Variants in MRO observed in about 807,000 individuals in gnomAD.
MRO encodes maestro, also known as protein maestro.
Under a neutral mutation model 31.0 loss-of-function variants are expected in MRO, and 28 were observed. That is an observed-to-expected ratio of 0.90 (90% confidence interval 0.67 to 1.24). The LOEUF (loss-of-function observed/expected upper bound fraction) is 1.24. Ranked by LOEUF, MRO falls within the 50% of genes most tolerant of loss-of-function variation. The pLI, the probability that MRO is intolerant of heterozygous loss-of-function variation, is 0.00. For missense variants in MRO, 332 were observed against 289.2 expected (o/e 1.15, Z -1.07); for synonymous variants, 108 against 108.4 (o/e 1.00, Z 0.02).
At chr18:50,801,261 A>C in intron 6 of MRO, 88 bp downstream of exon 6, 1 of 1,205,202 alleles carries the variant, frequency 8.3e-7, no homozygotes, top group South Asian at 1.7e-5. Flanking sequence ...TGCTGGCAGG[A>C]ACCCTAGGGT....
chr18:50,802,041 A>C (rs1482790722), intron 5 of MRO, among the ~76,000 whole-genome samples: 1 of 152,212 alleles, frequency 6.6e-6, no homozygotes, highest in African/African-American at 2.4e-5. Flanking sequence ...AGCACATGCC[A>C]CTGTTGTTGT....
chr18:50,815,833 A>C (rs759312912), intron 2 of MRO: 2 of 209,604 alleles, frequency 9.5e-6, no homozygotes, highest in Non-Finnish European at 1.9e-5. Flanking sequence ...CAGGAGTTCG[A>C]GACCAGTCTG....
At chr18:50,801,602 G>A in intron 5 of MRO, 98 bp from the exon 6 acceptor site, 4 of 1,164,204 alleles carry the variant, frequency 3.4e-6, no homozygotes, top group Non-Finnish European at 3.6e-6. Context: ...ACACATCACA[G>A]CCGTCAATCA....
intron 2 of MRO, among the ~76,000 whole-genome samples, chr18:50,809,613 C>T (rs1365850793): frequency 3.3e-5 from 5 of 152,090 alleles, no homozygotes; most frequent in Non-Finnish European, 1.5e-5. Context: ...GCTTGGGGGT[C>T]AAGGGGGATC....
chr18:50,809,709 A>G (rs570044857), intron 2 of MRO, among the ~76,000 whole-genome samples: 1 of 152,340 alleles, frequency 6.6e-6, no homozygotes, highest in South Asian at 2.1e-4. Flanking sequence ...GGCTCTGCCC[A>G]CAGAGTTCTC....
chr18:50,816,687 A>AT (rs1914955855), intron 2 of MRO, among the ~76,000 whole-genome samples: 1 of 152,192 alleles, frequency 6.6e-6, no homozygotes, highest in Admixed American at 6.5e-5. Flanking sequence ...TGCAACGTCT[A>AT]TTTTAAATAA....
At chr18:50,813,468 T>A (rs1044948660) in intron 2 of MRO, among the ~76,000 whole-genome samples, 3 of 152,240 alleles carry the variant, frequency 2.0e-5, no homozygotes, top group African/African-American at 7.2e-5. Context: ...CCCGGAAGAC[T>A]TGTTAAAACA....
At chr18:50,803,275 C>T (rs867205118) in intron 5 of MRO, among the ~76,000 whole-genome samples, 22 of 152,050 alleles carry the variant, frequency 1.4e-4, no homozygotes, top group Middle Eastern at 3.4e-3. Context: ...TTTGGGAGGC[C>T]GAGACAGGAG....
chr18:50,822,331 T>TTTTTA (rs1256849385), upstream of MRO, among the ~76,000 whole-genome samples: 1 of 152,176 alleles, frequency 6.6e-6, no homozygotes, highest in Admixed American at 6.5e-5. Flanking sequence ...AAATTTATCT[T>TTTTTA]TTTTAGTTTA....
At chr18:50,800,794 G>A (rs995868069) in intron 6 of MRO, among the ~76,000 whole-genome samples, 4 of 151,614 alleles carry the variant, frequency 2.6e-5, no homozygotes, top group African/African-American at 9.7e-5. Flanking sequence ...GTTGAGGCAG[G>A]AGAATTGCTT....
intron 2 of MRO, among the ~76,000 whole-genome samples, chr18:50,816,865 A>G: frequency 6.6e-6 from 1 of 152,174 alleles, no homozygotes; most frequent in East Asian, 1.9e-4. Context: ...AACAGCTGGT[A>G]TCTCTGTTCC....
At position 50,795,466 on chromosome 18, in the gene MRO, C is replaced by T. The variant is rs1912713176; in HGVS notation, c.*3871G>A. On this transcript the variant is annotated 3_prime_UTR_variant, in exon 8 of 8. Coordinates refer to ENST00000398439, the MANE Select transcript of MRO (RefSeq NM_031939.6). ...CAGCTGTTGTTTCTCGCTTTCAAAA[C>T]ATTCTAGTGCTTTTTTATAACGTGT... 1 of 152,210 alleles carries T rather than the reference C, an allele frequency of 6.6e-6. No individual in the cohort carries two copies. The highest frequency in any genetic ancestry group is 1.5e-5 in the Non-Finnish European group (1 of 68,030). The allele number at this position is 152,210 out of a possible 1,614,324, so 9.4% of individuals were successfully genotyped here. A position where few individuals can be genotyped will look rare whatever the true frequency, so the allele number is the denominator to read the frequency against.
intron 5 of MRO, 43 bp downstream of exon 5, chr18:50,805,111 C>A: frequency 6.5e-7 from 1 of 1,530,320 alleles, no homozygotes; most frequent in South Asian, 1.1e-5. Flanking sequence ...ATTTCTAAGC[C>A]CATTTTGATT....
At chr18:50,802,928 T>TGTGTAGTGTGTGTGTGTGTA (rs1555667906) in intron 5 of MRO, among the ~76,000 whole-genome samples, 21 of 151,606 alleles carry the variant, frequency 1.4e-4, no homozygotes, top group African/African-American at 5.1e-4. Flanking sequence ...TGTGTGTGTG[T>TGTGTAGTGTGTGTGTGTGTA]GTGTGTGTGT....
chr18:50,804,167 T>C (rs1038599073), intron 5 of MRO, among the ~76,000 whole-genome samples: 3 of 150,904 alleles, frequency 2.0e-5, no homozygotes, highest in Non-Finnish European at 4.5e-5. Flanking sequence ...ATTGGGAAGA[T>C]TATATGAGAT....
intron 4 of MRO, among the ~76,000 whole-genome samples, chr18:50,806,321 C>T (rs1034967283): frequency 1.3e-5 from 2 of 152,228 alleles, no homozygotes; most frequent in South Asian, 4.1e-4. Context: ...GACAGAGTGG[C>T]CTGTAGGCAT....
At chr18:50,817,043 C>A (rs1914983798) in intron 2 of MRO, among the ~76,000 whole-genome samples, 1 of 152,158 alleles carries the variant, frequency 6.6e-6, no homozygotes, top group African/African-American at 2.4e-5. Flanking sequence ...GCCAGCATCG[C>A]CTTCATAGGC....
chr18:50,806,215 G>A (rs564353362), intron 4 of MRO, among the ~76,000 whole-genome samples: 7 of 152,116 alleles, frequency 4.6e-5, no homozygotes, highest in South Asian at 2.1e-4. Flanking sequence ...AACTGCAGGC[G>A]TGAACCACTA....
chr18:50,799,819 G>A (rs1017097079), intron 7 of MRO, among the ~76,000 whole-genome samples: 4 of 152,154 alleles, frequency 2.6e-5, no homozygotes, highest in Admixed American at 2.0e-4. Context: ...GCTGAGGCAC[G>A]AGAATCACTT....
Sources: allele counts gnomAD v4.1 joint callset (sites outside exome capture counted in the v4.1 genomes callset), GRCh38; gene constraint gnomAD v4.1.1; transcripts MANE v1.5; gene names NCBI Gene and HGNC (gene_info 2026-07-23, HGNC 2026-07-21).